Variants in SHANK2 observed in about 807,000 individuals in gnomAD.
SHANK2 encodes SH3 and multiple ankyrin repeat domains protein 2.
Under a neutral mutation model 133.7 loss-of-function variants are expected in SHANK2, and 43 were observed. That is an observed-to-expected ratio of 0.32 (90% CI 0.25 to 0.41). The LOEUF is 0.41. Among genes scored for constraint, SHANK2 ranks in the 10% least tolerant of loss-of-function variants. The pLI is 1.00. For synonymous variants in SHANK2, 1,017 were observed against 952.8 expected, an observed-to-expected ratio of 1.07 and a Z score of -1.24; for missense variants, 1,994 against 2,235.8, an observed-to-expected ratio of 0.89 and a Z score of 2.18.
chr11:71,205,339 G>A (rs559293952), intron 2 of SHANK2, among the ~76,000 whole-genome samples: 1 of 152,322 alleles, frequency 6.6e-6, no homozygotes, highest in South Asian at 2.1e-4. Context: ...AGAGGGTACT[G>A]ACCAGCACCA....
At chr11:70,893,600 A>G (rs1459839765) in intron 11 of SHANK2, among the ~76,000 whole-genome samples, 1 of 152,208 alleles carries the variant, frequency 6.6e-6, no homozygotes, top group Non-Finnish European at 1.5e-5. Flanking sequence ...TGTTGATGCC[A>G]GTTTGCTAGT....
intron 21 of SHANK2, among the ~76,000 whole-genome samples, chr11:70,492,978 T>A (rs1297319599): frequency 6.6e-6 from 1 of 151,772 alleles, no homozygotes; most frequent in Admixed American, 6.6e-5. Context: ...GTATTTTTAG[T>A]AGAGACGGAG....
intron 10 of SHANK2, among the ~76,000 whole-genome samples, chr11:70,897,606 G>A (rs565198123): frequency 6.6e-6 from 1 of 152,258 alleles, no homozygotes; most frequent in South Asian, 2.1e-4. Context: ...AGTGGGGTGT[G>A]GCTATAACAA....
intron 11 of SHANK2, among the ~76,000 whole-genome samples, chr11:70,865,346 C>T (rs117381463): frequency 3.6e-3 from 540 of 151,382 alleles, no homozygotes; most frequent in Non-Finnish European, 5.7e-3. Context: ...TGCTGCAGAA[C>T]TAGGCGACGT....
chr11:70,880,622 T>G (rs1243024924), intron 11 of SHANK2, among the ~76,000 whole-genome samples: 1 of 152,226 alleles, frequency 6.6e-6, no homozygotes, highest in Non-Finnish European at 1.5e-5. Flanking sequence ...GACTCTTCTC[T>G]GCTCCTCGCC....
At chr11:70,507,402 G>A (rs535270975) in intron 17 of SHANK2, among the ~76,000 whole-genome samples, 18 of 152,194 alleles carry the variant, frequency 1.2e-4, no homozygotes, top group African/African-American at 4.3e-4. Context: ...ACAGGTGACT[G>A]GTGAGCCCTG....
chr11:70,565,538 G>C (rs574302993), intron 17 of SHANK2, among the ~76,000 whole-genome samples: 2 of 152,236 alleles, frequency 1.3e-5, no homozygotes, highest in Non-Finnish European at 2.9e-5. Flanking sequence ...GAGCCACCAC[G>C]CCTGGCCTCA....
chr11:71,082,658 G>A (rs1359920231), intron 8 of SHANK2, among the ~76,000 whole-genome samples: 4 of 152,216 alleles, frequency 2.6e-5, no homozygotes, highest in African/African-American at 9.6e-5. Context: ...TCAGGGGCCT[G>A]TCCCCTCGCC....
chr11:70,725,182 G>A (rs548596509), intron 14 of SHANK2, among the ~76,000 whole-genome samples: 49 of 152,298 alleles, frequency 3.2e-4, no homozygotes, highest in Non-Finnish European at 6.5e-4. Context: ...ACCGTACAGT[G>A]TACTAAAGGG....
intron 10 of SHANK2, among the ~76,000 whole-genome samples, chr11:70,907,476 C>G (rs191389589): frequency 6.6e-6 from 1 of 152,316 alleles, no homozygotes; most frequent in Non-Finnish European, 1.5e-5. Context: ...CCTTCTCAGG[C>G]TCCTGAAACT....
rs2059032413 is a variant in SHANK2, at chr11:70,500,407, A to G, written c.2308+163T>C. Among the ~76,000 whole-genome samples the G allele has an allele frequency of 6.6e-6, 1 of 151,696 alleles. No homozygotes were observed. The highest frequency in any genetic ancestry group is 1.5e-5 in the Non-Finnish European group (1 of 68,002). Reference sequence around the variant, plus strand: ...GAAGCCAAGCAGAAAGAACAGACAGATGAATGTGCTCCAGGGCGGCAGGGC... The same window carrying G: ...GAAGCCAAGCAGAAAGAACAGACAGGTGAATGTGCTCCAGGGCGGCAGGGC... On this transcript the variant is annotated intron_variant, in intron 21 of 25. Transcript: ENST00000601538. The surrounding 1 kb of genome is among the most constrained non-coding windows in gnomAD (Gnocchi z 4.5).
At chr11:70,489,708 A>G (rs1016565928) in intron 23 of SHANK2, 6 of 350,564 alleles carry the variant, frequency 1.7e-5, no homozygotes, top group Admixed American at 4.4e-5. Context: ...TCAAAGGGTC[A>G]AGTGTGACCT....
chr11:70,666,339 G>C (rs1004077449), intron 15 of SHANK2, among the ~76,000 whole-genome samples: 5 of 152,190 alleles, frequency 3.3e-5, no homozygotes, highest in Non-Finnish European at 7.3e-5. Context: ...TGCAGTCACT[G>C]TGTCTGAAAG....
rs539234681 is a variant in SHANK2, at chr11:70,643,794, G to A, written c.2061+16034C>T. ...TAGGTGAGCAAGAAAGACAGTCTTT[G>A]CTCTCATAGAGTTATGGTCCCATGG... On this transcript the variant is annotated intron_variant, in intron 17 of 25. Coordinates refer to ENST00000601538, the MANE Select transcript of SHANK2 (RefSeq NM_012309.5). Among the ~76,000 whole-genome samples, 208 of 152,272 alleles carry A rather than the reference G, an allele frequency of 1.4e-3. 2 individuals carry two copies. Among genetic ancestry groups the A allele is most frequent in the African/African-American group, 4.9e-3 (203 of 41,564 alleles).
intron 10 of SHANK2, among the ~76,000 whole-genome samples, chr11:70,911,759 C>T (rs561711121): frequency 6.6e-6 from 1 of 152,060 alleles, no homozygotes; most frequent in South Asian, 2.1e-4. Flanking sequence ...ATCTCCTACC[C>T]CAAAATGACA....
intron 3 of SHANK2, among the ~76,000 whole-genome samples, chr11:71,144,902 T>C (rs553849561): frequency 5.2e-5 from 8 of 152,384 alleles, no homozygotes. Flanking sequence ...TTTCTATCCA[T>C]ATGCACTTCC....
chr11:70,874,914 C>T (rs1206979788), intron 11 of SHANK2, among the ~76,000 whole-genome samples: 1 of 152,232 alleles, frequency 6.6e-6, no homozygotes, highest in Non-Finnish European at 1.5e-5. Flanking sequence ...GCAGACTTCA[C>T]TCCAGTCAAA....
At chr11:70,539,763 G>A (rs1318426069) in intron 17 of SHANK2, among the ~76,000 whole-genome samples, 9 of 152,078 alleles carry the variant, frequency 5.9e-5, no homozygotes, top group Non-Finnish European at 1.2e-4. Flanking sequence ...CAGGGAGTGC[G>A]CTTCTCTCCC....
intron 10 of SHANK2, among the ~76,000 whole-genome samples, chr11:70,905,803 GTT>G (rs112602946): frequency 3.7e-5 from 5 of 136,698 alleles, no homozygotes; most frequent in Non-Finnish European, 4.8e-5. Context: ...CCCAGTTTAT[GTT>G]TTTTTTTTTT....
Sources: allele counts gnomAD v4.1 joint callset (sites outside exome capture counted in the v4.1 genomes callset), GRCh38; gene constraint gnomAD v4.1.1; non-coding constraint Gnocchi (gnomAD v3.1); transcripts MANE v1.5; gene names NCBI Gene and HGNC (gene_info 2026-07-23, HGNC 2026-07-21).